CAVIN1: variants seen among roughly 807,000 people sequenced by gnomAD.
CAVIN1 encodes caveolae-associated protein 1.
In CAVIN1, 16 loss-of-function variants were observed where a neutral mutation model predicts 24.0. The ratio of observed to expected loss-of-function variants is 0.67; its 90% CI spans 0.45 to 1.01. The LOEUF (loss-of-function observed/expected upper bound fraction) is 1.01. CAVIN1 is among the 50% of genes least tolerant of loss of function. The pLI is 0.00. For synonymous variants in CAVIN1, 256 were observed against 256.4 expected, an observed-to-expected ratio of 1.00 and a Z score of 0.02; for missense variants, 510 against 551.7, an observed-to-expected ratio of 0.92 and a Z score of 0.76.
rs1277606866 is a variant in CAVIN1 at position 42,405,080 on chromosome 17, C to G, written c.780G>C (p.Lys260Asn). 4 of 1,613,974 alleles carry G rather than the reference C, an allele frequency of 2.5e-6. No individual in the cohort carries two copies. The highest frequency in any genetic ancestry group is 2.7e-5 in the African/African-American group (2 of 74,900). ...TGTGCCGCGTCTTCTCCAGGTTTTCCTTGGTCTTGAGGCGCGTCTTCTCCA... is the reference window on the plus strand; with the variant it reads ...TGTGCCGCGTCTTCTCCAGGTTTTCGTTGGTCTTGAGGCGCGTCTTCTCCA... ...ENLEKTRLKT[K>N]ENLEKTRHTL... Residue 260 changes from lysine (K) to asparagine (N), a missense_variant, in exon 2 of 2, where the codon AAG becomes AAC. Physicochemically the swap from Lys to Asn is moderately conservative, Grantham distance 94. Transcript: ENST00000357037.
In CAVIN1 at chr17:42,422,888, C is replaced by T; in HGVS notation, c.210G>A (p.Leu70=). 6.2e-7 allele frequency: 1 copy of T among 1,614,148 alleles called. No individual in the cohort carries two copies. The highest frequency in any genetic ancestry group is 8.5e-7 in the Non-Finnish European group (1 of 1,180,032). The stretch of plus-strand genomic sequence containing the variant: ...GCCGCTCCTCCAGCTGTGCTTGAGT[C>T]AGCTGGATCTGGTCTACGGCCCCGA... ...KIIGAVDQIQ[L]TQAQLEERQA... is the part of the protein sequence containing the mutation. The change falls in exon 1 of 2, where the codon CTG becomes CTA. Residue 70 remains leucine (L), a synonymous_variant. Coordinates refer to ENST00000357037, the MANE Select transcript of CAVIN1 (RefSeq NM_012232.6).
At chr17:42,418,159 T>G (rs1381684271) in intron 1 of CAVIN1, among the ~76,000 whole-genome samples, 1 of 151,904 alleles carries the variant, frequency 6.6e-6, no homozygotes, top group Non-Finnish European at 1.5e-5. Flanking sequence ...GTTCACACAG[T>G]GAGGAAATGG....
rs1433372357 is a variant in CAVIN1, at chr17:42,405,359, G to A, written c.501C>T (p.Ser167=). 6.2e-7 allele frequency: 1 copy of A among 1,607,214 alleles called. No homozygotes were observed. Residue 167 remains serine (S), a synonymous_variant, in exon 2 of 2, where the codon AGC becomes AGT. Coordinates refer to ENST00000357037, the MANE Select transcript of CAVIN1 (RefSeq NM_012232.6). Reference sequence around the variant, plus strand: ...CCGACTCTTTCAGCGATTTGCTGATGCTCAGTTTGGCCGGCAGCTTCACTT... The same window carrying A: ...CCGACTCTTTCAGCGATTTGCTGATACTCAGTTTGGCCGGCAGCTTCACTT... The part of the protein sequence containing the change: ...QDEVKLPAKL[S]ISKSLKESEA...
intron 1 of CAVIN1, among the ~76,000 whole-genome samples, chr17:42,406,608 C>T (rs766479436): frequency 3.9e-5 from 6 of 151,970 alleles, no homozygotes; most frequent in Non-Finnish European, 8.8e-5. Context: ...AACCCCTGAC[C>T]TCAAATGATC....
At chr17:42,411,494 G>C in intron 1 of CAVIN1, 5 of 985,240 alleles carry the variant, frequency 5.1e-6, no homozygotes, top group Non-Finnish European at 6.0e-6. Context: ...CCTGGCATCT[G>C]TGAGTTGGCA....
In CAVIN1 at chr17:42,404,977, C is replaced by A. The variant is rs752748750; in HGVS notation, c.883G>T (p.Asp295Tyr). Residue 295 changes from aspartate (D) to tyrosine (Y), a missense_variant, in exon 2 of 2, where the codon GAC becomes TAC. Coordinates refer to ENST00000357037, the MANE Select transcript of CAVIN1 (RefSeq NM_012232.6). ...GGCGTGAAGGATTTGCGCAACTTGT[C>A]CCGCGACGTCTTCAGTTTCTCGCGC... ...ERREKLKTSR[D>Y]KLRKSFTPDH... The A allele has an allele frequency of 2.5e-6, 4 of 1,614,044 alleles. No individual in the cohort carries two copies. The highest frequency in any genetic ancestry group is 3.4e-6 in the Non-Finnish European group (4 of 1,180,026).
At chr17:42,412,560 A>T (rs200950168) in intron 1 of CAVIN1, among the ~76,000 whole-genome samples, 1 of 125,730 alleles carries the variant, frequency 8.0e-6, no homozygotes, top group Non-Finnish European at 1.6e-5. Context: ...AACCCGGCTA[A>T]TTTTTTTTTT....
chr17:42,405,490 C>T (rs1465338996), intron 1 of CAVIN1, 102 bp from the exon 2 acceptor site: 2 of 1,226,332 alleles, frequency 1.6e-6, no homozygotes, highest in African/African-American at 1.5e-5. Context: ...GAGCATGGGA[C>T]GCTCGTGGTC....
intron 1 of CAVIN1, chr17:42,411,937 G>A (rs1247290215): frequency 2.7e-5 from 27 of 985,276 alleles, no homozygotes; most frequent in Non-Finnish European, 3.0e-5. Context: ...TCCACAGTGG[G>A]CAGTGACTGG....
Position 42,405,095 on chromosome 17 carries a change from C to T in CAVIN1, c.765G>A (p.Thr255=), listed in dbSNP as rs965489122. The T allele has an allele frequency of 3.1e-6, 5 of 1,613,920 alleles. No individual in the cohort carries two copies. The African/African-American group carries it at 4.0e-5, about 13-fold the overall frequency. ...KVRTRENLEK[T]RLKTKENLEK... Reference sequence around the variant, plus strand: ...CCAGGTTTTCCTTGGTCTTGAGGCGCGTCTTCTCCAGGTTCTCGCGGGTAC... The same window carrying T: ...CCAGGTTTTCCTTGGTCTTGAGGCGTGTCTTCTCCAGGTTCTCGCGGGTAC... The change falls in exon 2 of 2, where the codon ACG becomes ACA. Residue 255 remains threonine, a synonymous_variant. Transcript: ENST00000357037.
rs754999996 is a variant in CAVIN1 at position 42,404,873 on chromosome 17, G to A, written c.987C>T (p.Arg329=). 1 of 1,613,894 alleles carries A rather than the reference G, an allele frequency of 6.2e-7. No homozygotes were observed. Among genetic ancestry groups the A allele is most frequent in the Non-Finnish European group, 8.5e-7 (1 of 1,179,904 alleles). ...PPFTFHVKKI[R]EGQVEVLKAT... ...CCTTGAGCACTTCCACCTGGCCCTC[G>A]CGGATCTTCTTGACGTGGAAGGTGA... The change falls in exon 2 of 2, where the codon CGC becomes CGT. Residue 329 remains arginine, a synonymous_variant. Transcript: ENST00000357037.
intron 1 of CAVIN1, among the ~76,000 whole-genome samples, chr17:42,417,459 CA>C (rs61462482): frequency 6.9e-5 from 9 of 131,238 alleles, no homozygotes; most frequent in African/African-American, 1.7e-4. Flanking sequence ...AACTTGTCTC[CA>C]AAAAAAAAAA....
intron 1 of CAVIN1, among the ~76,000 whole-genome samples, chr17:42,408,180 G>C (rs755769380): frequency 6.6e-5 from 10 of 152,060 alleles, no homozygotes; most frequent in African/African-American, 1.2e-4. Context: ...GACAGGCAGG[G>C]AATAGTCAGG....
At chr17:42,414,773 C>T (rs2085501684) in intron 1 of CAVIN1, among the ~76,000 whole-genome samples, 1 of 152,080 alleles carries the variant, frequency 6.6e-6, no homozygotes, top group African/African-American at 2.4e-5. Flanking sequence ...CCCAACCTCC[C>T]CTGCAGGGTA....
At chr17:42,410,831 T>C (rs1288926024) in intron 1 of CAVIN1, among the ~76,000 whole-genome samples, 2 of 122,008 alleles carry the variant, frequency 1.6e-5, no homozygotes, top group Non-Finnish European at 3.2e-5. Flanking sequence ...GAGGTGGAGA[T>C]TGCAGTGAGC....
intron 1 of CAVIN1, among the ~76,000 whole-genome samples, chr17:42,413,123 G>C (rs889913259): frequency 6.6e-6 from 1 of 151,434 alleles, no homozygotes; most frequent in African/African-American, 2.4e-5. Context: ...AGCAGAGATA[G>C]GGTTTCACCA....
chr17:42,417,633 C>T (rs984319956), intron 1 of CAVIN1, among the ~76,000 whole-genome samples: 5 of 152,148 alleles, frequency 3.3e-5, no homozygotes, highest in Admixed American at 6.6e-5. Context: ...CAATTATATA[C>T]AGTACATAAT....
At chr17:42,411,388 T>TA (rs902415640) in intron 1 of CAVIN1, 19 of 978,930 alleles carry the variant, frequency 1.9e-5, no homozygotes, top group Non-Finnish European at 2.2e-5. Context: ...ACCCCATCTC[T>TA]AAAAAAAATT....
Position 42,405,304 on chromosome 17 carries a change from G to C in CAVIN1, c.556C>G (p.Leu186Val). The change falls in exon 2 of 2, where the codon CTG (leucine) becomes GTG (valine). Residue 186 changes from leucine (L) to valine (V), a missense_variant. Leu to Val is a conservative substitution (Grantham distance 32). Transcript: ENST00000357037. Reference protein sequence around the residue: ...EALPEKEGEELGEGERPEEDA... With the variant: ...EALPEKEGEEVGEGERPEEDA... ...TCCTCGGGCCGCTCGCCCTCGCCCA[G>C]CTCCTCGCCCTCCTTCTCTGGCAGC... 6.2e-7 allele frequency: 1 copy of C among 1,612,042 alleles called. No individual in the cohort carries two copies.
Sources: allele counts gnomAD v4.1 joint callset (sites outside exome capture counted in the v4.1 genomes callset), GRCh38; gene constraint gnomAD v4.1.1; transcripts MANE v1.5; gene names NCBI Gene and HGNC (gene_info 2026-07-23, HGNC 2026-07-21).